The following NAV2 variants were observed in gnomAD, a reference collection of about 807,000 sequenced individuals.
NAV2 encodes helicase, APC down-regulated 1.
Under a neutral mutation model 223.2 loss-of-function variants are expected in NAV2, and 54 were observed. The observed-to-expected ratio is 0.24, with a 90% confidence interval of 0.19 to 0.30. The LOEUF is 0.30. Among genes scored for constraint, NAV2 ranks in the 10% least tolerant of loss-of-function variants. The pLI, the probability that NAV2 is intolerant of heterozygous loss-of-function variation, is 1.00. For missense variants in NAV2, 2,806 were observed against 3,147.5 expected, an observed-to-expected ratio of 0.89 and a Z score of 2.60; for synonymous variants, 1,279 against 1,239.3, an observed-to-expected ratio of 1.03 and a Z score of -0.67.
intron 1 of NAV2, among the ~76,000 whole-genome samples, chr11:19,778,902 C>A (rs750603665): frequency 7.2e-5 from 11 of 152,118 alleles, no homozygotes; most frequent in Admixed American, 5.9e-4. Flanking sequence ...AGCTGGGTCC[C>A]GATCTGAACT....
chr11:19,373,718 T>C (rs1848546914), intron 1 of NAV2, among the ~76,000 whole-genome samples: 2 of 152,242 alleles, frequency 1.3e-5, no homozygotes, highest in Admixed American at 1.3e-4. Context: ...TCTCTCTCCT[T>C]AGACATAAAA....
chr11:20,045,037 C>T lies in NAV2; in HGVS notation c.3269C>T (p.Ser1090Phe), dbSNP rs2057306987. The change falls in exon 14 of 38, where the codon TCC (serine) becomes TTC (phenylalanine). Residue 1090 changes from serine (S) to phenylalanine (F), a missense_variant. Physicochemically the swap from Ser to Phe is radical, Grantham distance 155. Transcript: ENST00000349880. ...CCTAAAGCCTCCCAGGTGAAGCGCT[C>T]CCCATCAGATGCAGGCCGGAGCAGT... ...LSPKASQVKRSPSDAGRSSGD... is the reference protein window; with the variant it reads ...LSPKASQVKRFPSDAGRSSGD... The T allele has an allele frequency of 5.0e-6, 8 of 1,614,088 alleles. No individual in the cohort carries two copies. The East Asian group carries it at 1.6e-4, about 31-fold the overall frequency.
chr11:19,709,328 G>A (rs549904553), upstream of NAV2, among the ~76,000 whole-genome samples: 119 of 151,696 alleles, frequency 7.8e-4, no homozygotes, highest in Middle Eastern at 3.4e-3. Context: ...GAATCACGAG[G>A]TCAGGAGGTC....
At chr11:19,645,042 A>G (rs968116772) in intron 1 of NAV2, among the ~76,000 whole-genome samples, 5 of 152,238 alleles carry the variant, frequency 3.3e-5, no homozygotes, top group Admixed American at 2.0e-4. Flanking sequence ...TTTGTGGCTT[A>G]AAACAACGCA....
In NAV2 at chr11:19,879,906, C is replaced by A. The variant is rs761960581; in HGVS notation, c.549C>A (p.Leu183=). 6 of 1,613,908 alleles carry A rather than the reference C, an allele frequency of 3.7e-6. No individual in the cohort carries two copies. The highest frequency in any genetic ancestry group is 3.3e-5 in the South Asian group (3 of 91,080). ...RNGNLKAILG[L]FFSLSRYKQQ... ...GAAACCTCAAGGCCATTCTAGGCCT[C>A]TTCTTCAGCCTCTCCCGATACAAGC... Residue 183 remains leucine (L), a synonymous_variant, in exon 5 of 38, where the codon CTC becomes CTA. Coordinates refer to ENST00000349880, the MANE Select transcript of NAV2 (RefSeq NM_145117.5).
chr11:19,912,202 T>C (rs980785468), intron 6 of NAV2, among the ~76,000 whole-genome samples: 16 of 152,204 alleles, frequency 1.1e-4, no homozygotes, highest in Non-Finnish European at 1.9e-4. Context: ...CCAATGTTTT[T>C]GAAATAGAAA....
intron 11 of NAV2, among the ~76,000 whole-genome samples, chr11:20,005,253 A>ATATATTTTTTTTTTTTTTTTT (rs1277010848): frequency 7.4e-6 from 1 of 134,554 alleles, no homozygotes; most frequent in Admixed American, 7.4e-5. Context: ...ATATATATAT[A>ATATATTTTTTTTTTTTTTTTT]TTTTTTTTTT....
intron 11 of NAV2, among the ~76,000 whole-genome samples, chr11:20,019,147 A>T (rs1000117130): frequency 1.3e-5 from 2 of 152,160 alleles, no homozygotes; most frequent in African/African-American, 4.8e-5. Flanking sequence ...GGTGTGCAGG[A>T]TGGAGCCTAG....
At chr11:19,642,796 G>T (rs1215992260) in intron 1 of NAV2, among the ~76,000 whole-genome samples, 1 of 152,166 alleles carries the variant, frequency 6.6e-6, no homozygotes, top group Non-Finnish European at 1.5e-5. Context: ...GGGTGTGTGT[G>T]TGTGTTAATG....
intron 2 of NAV2, among the ~76,000 whole-genome samples, chr11:19,833,202 C>A (rs1426703543): frequency 1.3e-5 from 2 of 152,284 alleles, no homozygotes; most frequent in Middle Eastern, 3.4e-3. Context: ...TTAAGGTAAC[C>A]ACCCCATGGG....
intron 10 of NAV2, among the ~76,000 whole-genome samples, chr11:19,975,358 C>G (rs953301398): frequency 6.6e-6 from 1 of 152,176 alleles, no homozygotes; most frequent in South Asian, 2.1e-4. Flanking sequence ...GATAAGTACA[C>G]TATTGTTATA....
chr11:19,439,532 T>TA (rs1564936724), intron 1 of NAV2, among the ~76,000 whole-genome samples: 2 of 151,990 alleles, frequency 1.3e-5, no homozygotes, highest in Middle Eastern at 3.4e-3. Flanking sequence ...ATTTAAAAGT[T>TA]AAAAAAAAGT....
intron 17 of NAV2, among the ~76,000 whole-genome samples, chr11:20,052,957 C>A (rs184001390): frequency 1.3e-4 from 20 of 152,250 alleles, no homozygotes; most frequent in African/African-American, 4.6e-4. Context: ...TGGCTCATGC[C>A]TGTAATCCTA....
intron 1 of NAV2, among the ~76,000 whole-genome samples, chr11:19,607,503 G>T (rs2046511987): frequency 6.6e-6 from 1 of 152,204 alleles, no homozygotes; most frequent in African/African-American, 2.4e-5. Context: ...CTACTTAAAT[G>T]TTGTCTGACT....
chr11:19,692,787 C>T (rs1005728123), intron 1 of NAV2, among the ~76,000 whole-genome samples: 4 of 152,202 alleles, frequency 2.6e-5, no homozygotes, highest in Non-Finnish European at 5.9e-5. Context: ...GAAAAAAACC[C>T]TTGCTCTTAT....
chr11:19,469,952 G>T (rs142681822), intron 1 of NAV2, among the ~76,000 whole-genome samples: 1 of 152,352 alleles, frequency 6.6e-6, no homozygotes, highest in East Asian at 1.9e-4. Context: ...CACTAAGAGA[G>T]GAAGGTGCCA....
intron 1 of NAV2, among the ~76,000 whole-genome samples, chr11:19,675,662 A>G (rs1351898534): frequency 6.6e-6 from 1 of 152,176 alleles, no homozygotes; most frequent in Non-Finnish European, 1.5e-5. Flanking sequence ...GCGCCAATAA[A>G]TCAGGGCTGC....
chr11:19,519,820 G>A (rs1020577041), intron 1 of NAV2: 5 of 152,196 alleles, frequency 3.3e-5, no homozygotes, highest in Non-Finnish European at 7.3e-5. Context: ...CACCAGAGGA[G>A]TGATGATTCC....
chr11:19,942,599 C>T (rs1555161116), intron 8 of NAV2, among the ~76,000 whole-genome samples: 4 of 152,186 alleles, frequency 2.6e-5, no homozygotes. Context: ...ACTGACCAAA[C>T]ATGTGTTGTA....
Sources: allele counts gnomAD v4.1 joint callset (sites outside exome capture counted in the v4.1 genomes callset), GRCh38; gene constraint gnomAD v4.1.1; transcripts MANE v1.5; gene names NCBI Gene and HGNC (gene_info 2026-07-23, HGNC 2026-07-21).